The following GALNT13 variants were observed in gnomAD, a reference collection of about 807,000 sequenced individuals.
GALNT13 encodes the protein polypeptide N-acetylgalactosaminyltransferase 13.
In GALNT13, 28 loss-of-function variants were observed where a neutral mutation model predicts 64.2. That is an observed-to-expected ratio of 0.44 (90% CI 0.32 to 0.60). The LOEUF (loss-of-function observed/expected upper bound fraction) is 0.60, where lower values mean the gene tolerates loss of function less well. Ranked by LOEUF, GALNT13 falls within the 20% of genes least tolerant of loss-of-function variation. GALNT13 has a pLI of 0.05. For synonymous variants in GALNT13, 214 were observed against 224.6 expected (o/e 0.95, Z 0.42); for missense variants, 577 against 669.8 (o/e 0.86, Z 1.53).
At chr2:153,516,945 C>T in the GALNT13 span, among the ~76,000 whole-genome samples, 1 of 152,046 alleles carries the variant, frequency 6.6e-6, no homozygotes, top group African/African-American at 2.4e-5. Context: ...TTTTTCCTTA[C>T]CTTCCACCTC....
the GALNT13 span, among the ~76,000 whole-genome samples, chr2:153,630,794 TATATATATATATA>T: frequency 1.1e-3 from 14 of 13,002 alleles, no homozygotes; most frequent in South Asian, 6.3e-3. Context: ...TATATATATA[TATATATATATATA>T]TTTTTTTTTT....
the GALNT13 span, among the ~76,000 whole-genome samples, chr2:153,647,304 T>G: frequency 6.6e-6 from 1 of 152,216 alleles, no homozygotes; most frequent in Non-Finnish European, 1.5e-5. Flanking sequence ...CACTTGTTGA[T>G]GGGGTTATTT....
intron 3 of GALNT13, among the ~76,000 whole-genome samples, chr2:154,043,509 TA>T (rs1228312974): frequency 1.3e-5 from 2 of 148,184 alleles, no homozygotes; most frequent in East Asian, 4.2e-4. Flanking sequence ...GGTCTCTATT[TA>T]AAAATCTAAC....
At chr2:153,946,441 A>G (rs1691747830) in intron 3 of GALNT13, among the ~76,000 whole-genome samples, 2 of 152,062 alleles carry the variant, frequency 1.3e-5, no homozygotes, top group Non-Finnish European at 2.9e-5. Context: ...ATTTTACTTC[A>G]TTCAGGTTGT....
chr2:154,330,394 CA>C (rs1208464173), intron 9 of GALNT13, among the ~76,000 whole-genome samples: 1 of 152,076 alleles, frequency 6.6e-6, no homozygotes, highest in Non-Finnish European at 1.5e-5. Flanking sequence ...ACGAGAGAAC[CA>C]CAAAGGCAAT....
At chr2:153,869,810 G>A (rs190878922), upstream of GALNT13, among the ~76,000 whole-genome samples, 3 of 152,084 alleles carry the variant, frequency 2.0e-5, no homozygotes, top group African/African-American at 7.2e-5. Context: ...ATCAAGACAT[G>A]GACTATATTA....
At chr2:153,175,843 G>A in the GALNT13 span, among the ~76,000 whole-genome samples, 11 of 152,150 alleles carry the variant, frequency 7.2e-5, no homozygotes, top group Non-Finnish European at 1.5e-5. Context: ...GTCTCTGCAA[G>A]CATTTGTTGA....
chr2:153,797,407 T>A, the GALNT13 span, among the ~76,000 whole-genome samples: 2 of 152,324 alleles, frequency 1.3e-5, no homozygotes, highest in South Asian at 4.1e-4. Context: ...AGGCCCTTTT[T>A]GAACTATTCT....
At chr2:154,269,144 T>C (rs780281237) in intron 8 of GALNT13, among the ~76,000 whole-genome samples, 3 of 152,060 alleles carry the variant, frequency 2.0e-5, no homozygotes, top group Non-Finnish European at 2.9e-5. Flanking sequence ...GGGGTTCCCA[T>C]TGAACAGAAT....
At chr2:154,201,427 A>G (rs999965624) in intron 4 of GALNT13, among the ~76,000 whole-genome samples, 4 of 152,242 alleles carry the variant, frequency 2.6e-5, no homozygotes, top group East Asian at 1.9e-4. Context: ...GAAGCATGGC[A>G]TTGAATACTG....
intron 3 of GALNT13, among the ~76,000 whole-genome samples, chr2:154,014,649 T>TTTTTTTTTTC (rs1395681522): frequency 2.2e-5 from 3 of 139,412 alleles, no homozygotes; most frequent in Admixed American, 7.4e-5. Context: ...TTTTTTTTTT[T>TTTTTTTTTTC]TGAGACGGAG....
At chr2:153,385,524 C>A in the GALNT13 span, among the ~76,000 whole-genome samples, 1 of 151,948 alleles carries the variant, frequency 6.6e-6, no homozygotes, top group African/African-American at 2.4e-5. Context: ...AGAAGGATGT[C>A]TACCAGGGGC....
At chr2:153,153,710 G>A in the GALNT13 span, among the ~76,000 whole-genome samples, 1 of 144,214 alleles carries the variant, frequency 6.9e-6, no homozygotes, top group Non-Finnish European at 1.5e-5. Context: ...GATACCTGTA[G>A]GTATGTGGTC....
At chr2:153,267,128 G>T in the GALNT13 span, among the ~76,000 whole-genome samples, 1 of 152,230 alleles carries the variant, frequency 6.6e-6, no homozygotes, top group Non-Finnish European at 1.5e-5. Flanking sequence ...TTGACTCTGT[G>T]TGTCACATCC....
At chr2:153,293,008 TC>T in the GALNT13 span, among the ~76,000 whole-genome samples, 1 of 152,154 alleles carries the variant, frequency 6.6e-6, no homozygotes. Flanking sequence ...AAGGTTTTTT[TC>T]CCTAATTTGG....
At chr2:153,365,155 T>G in the GALNT13 span, among the ~76,000 whole-genome samples, 1 of 152,204 alleles carries the variant, frequency 6.6e-6, no homozygotes, top group East Asian at 1.9e-4. Flanking sequence ...GATTTCTTAT[T>G]TAATGAATGG....
At chr2:153,689,472 G>C in the GALNT13 span, among the ~76,000 whole-genome samples, 1 of 151,906 alleles carries the variant, frequency 6.6e-6, no homozygotes, top group African/African-American at 2.4e-5. Flanking sequence ...TCTGTGGTTT[G>C]CCTTTAATAA....
At chr2:153,471,178 C>A in the GALNT13 span, among the ~76,000 whole-genome samples, 1 of 152,140 alleles carries the variant, frequency 6.6e-6, no homozygotes, top group African/African-American at 2.4e-5. Context: ...AGATAGATCC[C>A]GAAGGACATG....
At chr2:153,676,091 A>G in the GALNT13 span, among the ~76,000 whole-genome samples, 5 of 152,116 alleles carry the variant, frequency 3.3e-5, no homozygotes, top group African/African-American at 1.2e-4. Flanking sequence ...TTTTTGAAAG[A>G]TCAACTAAGA....
Sources: allele counts gnomAD v4.1 joint callset (sites outside exome capture counted in the v4.1 genomes callset), GRCh38; gene constraint gnomAD v4.1.1; transcripts MANE v1.5; gene names NCBI Gene and HGNC (gene_info 2026-07-23, HGNC 2026-07-21).